C16orf46: variants seen among roughly 807,000 people sequenced by gnomAD.
The protein encoded by C16orf46 is chromosome 16 open reading frame 46.
A neutral mutation model predicts 5.5 loss-of-function variants in C16orf46; 7 were observed. The observed-to-expected ratio is 1.28, with a 90% CI of 0.73 to 2.40. The LOEUF is 2.40. C16orf46 is among the 30% of genes most tolerant of loss of function. The pLI, the probability that C16orf46 is intolerant of heterozygous loss-of-function variation, is 0.00. For synonymous variants in C16orf46, 200 were observed against 184.1 expected, an observed-to-expected ratio of 1.09 and a Z score of -0.70; for missense variants, 614 against 476.0, an observed-to-expected ratio of 1.29 and a Z score of -2.70.
intron 3 of C16orf46, among the ~76,000 whole-genome samples, chr16:81,062,682 G>A (rs1045924631): frequency 1.3e-5 from 2 of 152,004 alleles, no homozygotes; most frequent in African/African-American, 2.4e-5. Flanking sequence ...GGAGCCCTGC[G>A]TACCCAGGGA....
intron 1 of C16orf46, among the ~76,000 whole-genome samples, chr16:81,066,779 C>A (rs1240790931): frequency 6.6e-6 from 1 of 152,148 alleles, no homozygotes; most frequent in Non-Finnish European, 1.5e-5. Flanking sequence ...AACTTTACAA[C>A]CTGATTCAGT....
chr16:81,067,311 G>C (rs1971682120), intron 1 of C16orf46, among the ~76,000 whole-genome samples: 1 of 152,194 alleles, frequency 6.6e-6, no homozygotes, highest in Admixed American at 6.5e-5. Flanking sequence ...TGAGGTTAGG[G>C]AGGGAATAGT....
chr16:81,058,232 T>C (rs1971361701), downstream of C16orf46, among the ~76,000 whole-genome samples: 2 of 152,190 alleles, frequency 1.3e-5, no homozygotes, highest in South Asian at 2.1e-4. Flanking sequence ...CTAAAAAATA[T>C]ACATCCTGAT....
At chr16:81,068,951 G>A (rs982883751) in intron 1 of C16orf46, among the ~76,000 whole-genome samples, 7 of 151,644 alleles carry the variant, frequency 4.6e-5, no homozygotes, top group Non-Finnish European at 1.5e-5. Context: ...GTGATCACCC[G>A]CCTCGGCCTC....
intron 1 of C16orf46, among the ~76,000 whole-genome samples, chr16:81,066,889 A>G (rs1971670563): frequency 6.6e-6 from 1 of 152,234 alleles, no homozygotes; most frequent in African/African-American, 2.4e-5. Flanking sequence ...TGCCATGGAG[A>G]CGCATTTGCA....
rs550734784 is a variant in C16orf46, at chr16:81,062,257, AT to A, written c.211-120del. The A allele has an allele frequency of 3.1e-5, 25 of 803,392 alleles. No individual in the cohort carries two copies. The South Asian group carries it at 3.7e-4, about 12-fold the overall frequency. The allele number at this position is 803,392 out of a possible 1,614,324, so 49.8% of individuals were successfully genotyped here. A position where few individuals can be genotyped will look rare whatever the true frequency, so the allele number is the denominator to read the frequency against. On this transcript the variant is annotated intron_variant, in intron 3 of 3. Transcript: ENST00000299578. ...TGAAACAATATTCTTATTTTTATTT[AT>A]TTTTTTACTACCCCTTCCCCCACTA... is the stretch of plus-strand genomic sequence containing the variant.
At position 81,062,075 on chromosome 16, in the gene C16orf46, C is replaced by T; in HGVS notation, c.274G>A (p.Ala92Thr). Reference sequence around the variant, plus strand: ...CTGCAGGCACCTTCCCCTACCCTCGCCTTTTTTGGTATCTTCCTCGGCCAG... The same window carrying T: ...CTGCAGGCACCTTCCCCTACCCTCGTCTTTTTTGGTATCTTCCTCGGCCAG... The part of the protein sequence containing the change: ...CIWPRKIPKK[A>T]RVGEGACSDC... The change falls in exon 4 of 4, where the codon GCG (alanine) becomes ACG (threonine). Residue 92 changes from alanine (A) to threonine (T), a missense_variant. Physicochemically the swap from Ala to Thr is moderately conservative, Grantham distance 58. Coordinates refer to ENST00000299578, the MANE Select transcript of C16orf46 (RefSeq NM_152337.3). 5.0e-6 allele frequency: 8 copies of T among 1,611,066 alleles called. No individual in the cohort carries two copies. The highest frequency in any genetic ancestry group is 6.8e-6 in the Non-Finnish European group (8 of 1,179,866).
chr16:81,065,313 A>G (rs966846076), intron 2 of C16orf46, among the ~76,000 whole-genome samples: 2 of 152,004 alleles, frequency 1.3e-5, no homozygotes, highest in Non-Finnish European at 2.9e-5. Flanking sequence ...CTCTACTAAA[A>G]ATACAAAAAA....
At chr16:81,066,638 G>A (rs1051989627) in intron 1 of C16orf46, among the ~76,000 whole-genome samples, 2 of 152,146 alleles carry the variant, frequency 1.3e-5, no homozygotes, top group Non-Finnish European at 2.9e-5. Context: ...CAATCTGTAT[G>A]CAGTTTTACT....
At position 81,054,793 on chromosome 16, in the gene C16orf46, C is replaced by A. The variant is rs906578647; in HGVS notation, c.1144-699G>T. Among the ~76,000 whole-genome samples the A allele has an allele frequency of 4.6e-5, 7 of 151,724 alleles. No homozygotes were observed. In the East Asian group the frequency reaches 1.4e-3, roughly 30 times the overall value. Reference sequence around the variant, plus strand: ...CCGCCTGAGTAGCTGGGATTACAGGCACGCACCACCACGCCCCCTAATTTT... The same window carrying A: ...CCGCCTGAGTAGCTGGGATTACAGGAACGCACCACCACGCCCCCTAATTTT... On this transcript the variant is annotated intron_variant, in intron 3 of 3. Coordinates refer to the C16orf46 transcript ENST00000378611.
Position 81,077,158 on chromosome 16 carries a change from G to C in C16orf46, c.-150C>G, listed in dbSNP as rs962397230. On this transcript the variant is annotated 5_prime_UTR_variant, in exon 1 of 4. Coordinates refer to ENST00000299578, the MANE Select transcript of C16orf46 (RefSeq NM_152337.3). Reference sequence around the variant, plus strand: ...TACCTGTGGGGCCAAGCGGATGGAAGGCCCCGAGACAGCTAGTCCCGGCCT... The same window carrying C: ...TACCTGTGGGGCCAAGCGGATGGAACGCCCCGAGACAGCTAGTCCCGGCCT... The C allele has an allele frequency of 6.6e-6, 1 of 152,458 alleles. No homozygotes were observed. Among genetic ancestry groups the C allele is most frequent in the African/African-American group, 2.4e-5 (1 of 41,488 alleles). The allele number at this position is 152,458 out of a possible 1,614,324, so 9.4% of individuals were successfully genotyped here.
In C16orf46 at chr16:81,063,733, G is replaced by C. The variant is rs765765747; in HGVS notation, c.210+13C>G. ...CGAGAGACAGAAAAGCTGTGACTCAGAAAGATACTCACTGCCTCTTCCCAT... is the reference window on the plus strand; with the variant it reads ...CGAGAGACAGAAAAGCTGTGACTCACAAAGATACTCACTGCCTCTTCCCAT... On this transcript the variant is annotated intron_variant, in intron 3 of 3. Transcript: ENST00000299578. The C allele has an allele frequency of 2.5e-6, 4 of 1,603,102 alleles. No individual in the cohort carries two copies. In the East Asian group the frequency reaches 8.9e-5, roughly 36 times the overall value.
intron 1 of C16orf46, among the ~76,000 whole-genome samples, chr16:81,067,705 A>G (rs1309593966): frequency 6.6e-6 from 1 of 152,050 alleles, no homozygotes; most frequent in Non-Finnish European, 1.5e-5. Flanking sequence ...GGCGTGCGCT[A>G]CCATGCAGGG....
At chr16:81,072,961 C>T (rs1971906976) in intron 1 of C16orf46, among the ~76,000 whole-genome samples, 1 of 152,128 alleles carries the variant, frequency 6.6e-6, no homozygotes, top group Admixed American at 6.5e-5. Context: ...CCTCAGCCTC[C>T]CAAAGTGCCC....
At chr16:81,072,513 T>G (rs1455077711) in intron 1 of C16orf46, among the ~76,000 whole-genome samples, 1 of 151,722 alleles carries the variant, frequency 6.6e-6, no homozygotes, top group African/African-American at 2.4e-5. Flanking sequence ...GCCTCCCAAG[T>G]AGCTGGGATT....
At chr16:81,057,585 CCA>C (rs1971336603), downstream of C16orf46, among the ~76,000 whole-genome samples, 1 of 150,886 alleles carries the variant, frequency 6.6e-6, no homozygotes, top group Non-Finnish European at 1.5e-5. Context: ...GGTTAAGTGC[CCA>C]CAGTCTTAGG....
chr16:81,054,151 T>C (rs375517946), intron 3 of C16orf46: 581 of 1,540,882 alleles, frequency 3.8e-4, no homozygotes, highest in Non-Finnish European at 4.9e-4. Context: ...GCAATGAAAA[T>C]GTGGCAGAAG....
intron 2 of C16orf46, among the ~76,000 whole-genome samples, chr16:81,065,856 T>C (rs1971638689): frequency 6.8e-6 from 1 of 146,904 alleles, no homozygotes; most frequent in African/African-American, 2.5e-5. Flanking sequence ...TGTTTTGTTT[T>C]TGAGACAGAG....
rs575214348 is a variant in C16orf46, at chr16:81,061,746, G to C, written c.603C>G (p.Gly201=). The C allele has an allele frequency of 1.2e-6, 2 of 1,613,944 alleles. No individual in the cohort carries two copies. The highest frequency in any genetic ancestry group is 1.1e-5 in the South Asian group (1 of 91,088). Residue 201 remains glycine (G), a synonymous_variant, in exon 4 of 4, where the codon GGC becomes GGG. Transcript: ENST00000299578. ...GGAHRGLSIP[G]PLTSRALLVL... ...CTAGGAGGGCCCTGGAAGTCAGGGG[G>C]CCTGGGATGGACAGCCCTCTGTGGG...
Sources: allele counts gnomAD v4.1 joint callset (sites outside exome capture counted in the v4.1 genomes callset), GRCh38; gene constraint gnomAD v4.1.1; transcripts MANE v1.5; gene names NCBI Gene and HGNC (gene_info 2026-07-23, HGNC 2026-07-21).